KCNQ1: variants seen among roughly 807,000 people sequenced by gnomAD.
KCNQ1 encodes the protein potassium voltage-gated channel subfamily KQT member 1.
Under a neutral mutation model 72.4 loss-of-function variants are expected in KCNQ1, and 49 were observed. The observed-to-expected ratio is 0.68, with a 90% CI of 0.54 to 0.86. The LOEUF is 0.86. Ranked by LOEUF, KCNQ1 falls within the 40% of genes least tolerant of loss-of-function variation. The pLI is 0.00. For synonymous variants in KCNQ1, 450 were observed against 412.6 expected (o/e 1.09, Z -1.10); for missense variants, 790 against 945.1 (o/e 0.84, Z 2.15).
rs969075334 is a variant in KCNQ1 at position 2,734,464 on chromosome 11, C to A, written c.1515-34380C>A. On this transcript the variant is annotated intron_variant, in intron 11 of 15. Coordinates refer to ENST00000155840, the MANE Select transcript of KCNQ1 (RefSeq NM_000218.3). This position sits in a 1 kb window ranked among gnomAD's most constrained non-coding sequence, Gnocchi z 7.0. ...CCGCAGCCAGCTGTGCTGGGCAAGGCAGGACGGGATCCTTGGTGATGGGCA... is the reference window on the plus strand; with the variant it reads ...CCGCAGCCAGCTGTGCTGGGCAAGGAAGGACGGGATCCTTGGTGATGGGCA... Among the ~76,000 whole-genome samples the A allele has an allele frequency of 9.2e-5, 14 of 152,186 alleles. No homozygotes were observed. Among genetic ancestry groups the A allele is most frequent in the Non-Finnish European group, 2.1e-4 (14 of 68,048 alleles).
intron 11 of KCNQ1, chr11:2,684,975 A>G: frequency 2.5e-6 from 1 of 398,620 alleles, no homozygotes; most frequent in Non-Finnish European, 4.4e-6. Flanking sequence ...ATGGCTTCCA[A>G]TTTTACGGAC....
At chr11:2,791,501 T>A (rs1847021477) in intron 15 of KCNQ1, among the ~76,000 whole-genome samples, 1 of 151,936 alleles carries the variant, frequency 6.6e-6, no homozygotes, top group Non-Finnish European at 1.5e-5. Flanking sequence ...AGTGGCTTGG[T>A]CACCATCAAA....
At chr11:2,753,163 C>T (rs1266933523) in intron 11 of KCNQ1, among the ~76,000 whole-genome samples, 1 of 152,176 alleles carries the variant, frequency 6.6e-6, no homozygotes, top group South Asian at 2.1e-4. Flanking sequence ...GCAGGCCACC[C>T]GGCCAGTGTG....
intron 11 of KCNQ1, chr11:2,689,897 C>A (rs1183313863): frequency 2.5e-6 from 1 of 398,790 alleles, no homozygotes; most frequent in African/African-American, 2.1e-5. Flanking sequence ...GGGGAAGGTT[C>A]CCACCTGCTC....
rs1230530557 is a variant in KCNQ1, at chr11:2,565,386, T to C, written c.478-5242T>C. On this transcript the variant is annotated intron_variant, in intron 2 of 15. Transcript: ENST00000155840. The surrounding 1 kb of genome is among the most constrained non-coding windows in gnomAD (Gnocchi z 5.6). Reference sequence around the variant, plus strand: ...CTGATGATTAGTGACACTGGGCACCTCTCCGTGTGCCTCTTGGCCATCTGT... The same window carrying C: ...CTGATGATTAGTGACACTGGGCACCCCTCCGTGTGCCTCTTGGCCATCTGT... Among the ~76,000 whole-genome samples, 1 of 152,188 alleles carries C rather than the reference T, an allele frequency of 6.6e-6. No homozygotes were observed. The highest frequency in any genetic ancestry group is 1.5e-5 in the Non-Finnish European group (1 of 68,046).
chr11:2,507,174 GGTCTT>G lies in KCNQ1; in HGVS notation c.387-20748_387-20744del, dbSNP rs1419503568. ...ACTGTGTTTTCTTCTGGAGGTTTGG[GGTCTT>G]GTCTTCAGCATTTAGCTCCTTGTCC... On this transcript the variant is annotated intron_variant, in intron 1 of 15. Transcript: ENST00000155840. The surrounding 1 kb of genome is among the most constrained non-coding windows in gnomAD (Gnocchi z 5.4). Among the ~76,000 whole-genome samples, 4 of 152,150 alleles carry G rather than the reference GGTCTT, an allele frequency of 2.6e-5. No individual in the cohort carries two copies. Among genetic ancestry groups the G allele is most frequent in the African/African-American group, 9.7e-5 (4 of 41,436 alleles).
At position 2,824,437 on chromosome 11, in the gene KCNQ1, C is replaced by T. The variant is rs550685206; in HGVS notation, c.1795-23330C>T. Among the ~76,000 whole-genome samples the T allele has an allele frequency of 3.2e-4, 48 of 152,242 alleles. No individual in the cohort carries two copies. The highest frequency in any genetic ancestry group is 1.1e-3 in the African/African-American group (46 of 41,548). On this transcript the variant is annotated intron_variant, in intron 15 of 15. Coordinates refer to ENST00000155840, the MANE Select transcript of KCNQ1 (RefSeq NM_000218.3). The surrounding 1 kb of genome is among the most constrained non-coding windows in gnomAD (Gnocchi z 5.9). ...CTTGGCCATATGTTGGAGGCTGAAA[C>T]GATTCATCCAGACAGGAGCAGGGAG...
At chr11:2,692,249 C>G in intron 11 of KCNQ1, 1 of 398,946 alleles carries the variant, frequency 2.5e-6, no homozygotes, top group Non-Finnish European at 4.4e-6. Context: ...AAGCCCATCA[C>G]CAAGCCAGGC....
intron 10 of KCNQ1, chr11:2,641,997 A>G (rs1849586980): frequency 2.5e-6 from 1 of 398,394 alleles, no homozygotes; most frequent in Admixed American, 4.4e-5. Context: ...ATCAGTTTTT[A>G]TTCCAATACC....
chr11:2,466,863 C>G (rs1163315771), intron 1 of KCNQ1, among the ~76,000 whole-genome samples: 2 of 152,128 alleles, frequency 1.3e-5, no homozygotes, highest in Admixed American at 1.3e-4. Context: ...GGCCCCTGCG[C>G]TCTTCCTCTG....
rs547042530 is a variant in KCNQ1, at chr11:2,538,622, C to T, written c.477+10604C>T. 2.6e-5 allele frequency among the ~76,000 whole-genome samples: 4 copies of T among 151,566 alleles called. No individual in the cohort carries two copies. The highest frequency in any genetic ancestry group is 4.9e-5 in the African/African-American group (2 of 41,186). Reference sequence around the variant, plus strand: ...CCTGGGCTGGAACCGGAACGTTCCCCGAGTACATAGGAATCCTGGGCTGGA... The same window carrying T: ...CCTGGGCTGGAACCGGAACGTTCCCTGAGTACATAGGAATCCTGGGCTGGA... On this transcript the variant is annotated intron_variant, in intron 2 of 15. Transcript: ENST00000155840. The surrounding 1 kb of genome is among the most constrained non-coding windows in gnomAD (Gnocchi z 6.7).
chr11:2,615,324 A>G (rs1849043077), intron 10 of KCNQ1: 2 of 398,094 alleles, frequency 5.0e-6, no homozygotes, highest in African/African-American at 2.1e-5. Flanking sequence ...TCTAGATAGA[A>G]GATGTCATTA....
At chr11:2,755,384 G>A (rs1053816810) in intron 11 of KCNQ1, among the ~76,000 whole-genome samples, 1 of 152,136 alleles carries the variant, frequency 6.6e-6, no homozygotes, top group Admixed American at 6.5e-5. Flanking sequence ...CTGAGTAGCT[G>A]GGACTACACG....
chr11:2,722,960 G>T (rs181950863), intron 11 of KCNQ1, among the ~76,000 whole-genome samples: 7 of 152,330 alleles, frequency 4.6e-5, no homozygotes, highest in East Asian at 3.9e-4. Context: ...AGGTCTTTGG[G>T]CACTGCAGCT....
chr11:2,502,956 C>T (rs116664751), intron 1 of KCNQ1, among the ~76,000 whole-genome samples: 1,896 of 152,236 alleles, frequency 0.012, 32 homozygotes, highest in African/African-American at 0.042. Context: ...CTTCAATAAA[C>T]GATGCTGGGA....
rs1053184778 is a variant in KCNQ1, at chr11:2,482,805, C to T, written c.386+37321C>T. Among the ~76,000 whole-genome samples the T allele has an allele frequency of 1.3e-5, 2 of 152,170 alleles. No homozygotes were observed. The highest frequency in any genetic ancestry group is 1.5e-5 in the Non-Finnish European group (1 of 68,040). The stretch of plus-strand genomic sequence containing the variant: ...TTTTAGCCACCCATTCACTGGCCCA[C>T]CTGCCCCTGGTGCACCTGCAGCAGC... On this transcript the variant is annotated intron_variant, in intron 1 of 15. Transcript: ENST00000155840. The surrounding 1 kb of genome is among the most constrained non-coding windows in gnomAD (Gnocchi z 5.7).
intron 15 of KCNQ1, among the ~76,000 whole-genome samples, chr11:2,820,148 C>T (rs1008899429): frequency 5.9e-5 from 9 of 152,068 alleles, no homozygotes; most frequent in Admixed American, 3.9e-4. Flanking sequence ...TTTCTAGCTT[C>T]TTGAGTTGAA....
chr11:2,466,449 G>C (rs144524227), intron 1 of KCNQ1, among the ~76,000 whole-genome samples: 6 of 152,332 alleles, frequency 3.9e-5, no homozygotes, highest in African/African-American at 1.4e-4. Context: ...GCCTGGGGCT[G>C]TGGTTCTTAG....
intron 1 of KCNQ1, among the ~76,000 whole-genome samples, chr11:2,469,953 C>G (rs774790871): frequency 3.9e-5 from 6 of 152,204 alleles, no homozygotes; most frequent in Non-Finnish European, 8.8e-5. Flanking sequence ...AGCCACCACG[C>G]CCGGCCCTTT....
Sources: allele counts gnomAD v4.1 joint callset (sites outside exome capture counted in the v4.1 genomes callset), GRCh38; gene constraint gnomAD v4.1.1; non-coding constraint Gnocchi (gnomAD v3.1); transcripts MANE v1.5; gene names NCBI Gene and HGNC (gene_info 2026-07-23, HGNC 2026-07-21).